The following SPRED2 variants were observed in gnomAD, a reference collection of about 807,000 sequenced individuals.
SPRED2 encodes the protein sprouty-related, EVH1 domain-containing protein 2.
Under a neutral mutation model 43.0 loss-of-function variants are expected in SPRED2, and 47 were observed. That is an observed-to-expected ratio of 1.09 (90% CI 0.87 to 1.40). The LOEUF (loss-of-function observed/expected upper bound fraction) is 1.40, where lower values mean the gene tolerates loss of function less well. Among genes scored for constraint, SPRED2 ranks in the 40% most tolerant of loss-of-function variants. SPRED2 has a pLI of 0.00. For synonymous variants in SPRED2, 225 were observed against 225.7 expected, an observed-to-expected ratio of 1.00 and a Z score of 0.03; for missense variants, 561 against 586.4, an observed-to-expected ratio of 0.96 and a Z score of 0.45.
Position 65,407,245 on chromosome 2 carries a change from C to CTTTTTTTTTTT in SPRED2, c.26+24706_26+24716dup, listed in dbSNP as rs70943650. Among the ~76,000 whole-genome samples the CTTTTTTTTTTT allele has an allele frequency of 5.4e-3, 650 of 120,896 alleles. 35 individuals are homozygous for CTTTTTTTTTTT. The highest frequency in any genetic ancestry group is 0.019 in the African/African-American group (556 of 29,088). The allele number at this position is 120,896 out of a possible 152,430, so 79.3% of individuals were successfully genotyped here. On this transcript the variant is annotated intron_variant, in intron 1 of 5. Coordinates refer to ENST00000356388, the MANE Select transcript of SPRED2 (RefSeq NM_181784.3). The stretch of plus-strand genomic sequence containing the variant: ...TCTTTCTCAAATGGGGCGCTGGCTC[C>CTTTTTTTTTTT]TTTTTTTTTTTTTGCTAAAAGTCCC...
chr2:65,307,953 C>T (rs1027015973), downstream of SPRED2, among the ~76,000 whole-genome samples: 2 of 152,180 alleles, frequency 1.3e-5, no homozygotes, highest in South Asian at 2.1e-4. Context: ...ACCCCCCGCC[C>T]CCCCCATTCA....
chr2:65,372,246 C>T (rs1675141723), intron 1 of SPRED2, among the ~76,000 whole-genome samples: 1 of 152,240 alleles, frequency 6.6e-6, no homozygotes, highest in South Asian at 2.1e-4. Context: ...AAATTCTGTT[C>T]CTGGACTGTG....
intron 4 of SPRED2, among the ~76,000 whole-genome samples, chr2:65,318,969 T>G (rs1001245700): frequency 4.6e-5 from 7 of 152,186 alleles, no homozygotes; most frequent in Non-Finnish European, 8.8e-5. Flanking sequence ...TTTACATGTT[T>G]TTGTTAGCTA....
chr2:65,410,314 G>T (rs558610835), intron 1 of SPRED2, among the ~76,000 whole-genome samples: 1 of 152,302 alleles, frequency 6.6e-6, no homozygotes, highest in South Asian at 2.1e-4. Context: ...CTACACAGGG[G>T]TGTCTCTCTC....
intron 5 of SPRED2, among the ~76,000 whole-genome samples, chr2:65,314,408 G>A (rs1244429008): frequency 6.6e-6 from 1 of 152,158 alleles, no homozygotes; most frequent in Non-Finnish European, 1.5e-5. Flanking sequence ...CAATTTCGTG[G>A]GTTGAGACCG....
intron 4 of SPRED2, among the ~76,000 whole-genome samples, chr2:65,325,232 C>T (rs1413791251): frequency 6.6e-6 from 1 of 152,196 alleles, no homozygotes; most frequent in African/African-American, 2.4e-5. Context: ...CCCAGGAACA[C>T]AAGGGCTGAC....
At chr2:65,399,464 C>A in intron 1 of SPRED2, among the ~76,000 whole-genome samples, 1 of 145,886 alleles carries the variant, frequency 6.9e-6, no homozygotes, top group Non-Finnish European at 1.5e-5. Flanking sequence ...CTCACTGCAA[C>A]CTCTGCCTCC....
chr2:65,307,343 G>A (rs1052734067), downstream of SPRED2, among the ~76,000 whole-genome samples: 2 of 151,984 alleles, frequency 1.3e-5, no homozygotes, highest in African/African-American at 4.8e-5. Context: ...TTACAGGCAT[G>A]CGCCACCACG....
In SPRED2 at chr2:65,327,711, T is replaced by G. The variant is rs551201598; in HGVS notation, c.438+4276A>C. On this transcript the variant is annotated intron_variant, in intron 4 of 5. Coordinates refer to ENST00000356388, the MANE Select transcript of SPRED2 (RefSeq NM_181784.3). ...ACATCTTTGCTTTTCTTTTCTTTCT[T>G]TCTTTTTTTTTTTTTTTTTTTTTTT... Among the ~76,000 whole-genome samples, 675 of 133,724 alleles carry G rather than the reference T, an allele frequency of 5.0e-3. 8 individuals are homozygous for G. The highest frequency in any genetic ancestry group is 7.1e-3 in the Non-Finnish European group (451 of 63,766). The allele number at this position is 133,724 out of a possible 152,430, so 87.7% of individuals were successfully genotyped here.
chr2:65,421,525 G>C (rs549239979), intron 1 of SPRED2, among the ~76,000 whole-genome samples: 10 of 152,300 alleles, frequency 6.6e-5, no homozygotes, highest in African/African-American at 1.7e-4. Context: ...ACGGCTACAG[G>C]ATCCTCCCCA....
chr2:65,317,908 G>A (rs1410723065), intron 4 of SPRED2, among the ~76,000 whole-genome samples: 1 of 152,160 alleles, frequency 6.6e-6, no homozygotes. Flanking sequence ...TAAGACTGGA[G>A]TCTCCGTAAC....
chr2:65,356,153 A>G (rs1267020139), intron 1 of SPRED2, among the ~76,000 whole-genome samples: 1 of 152,206 alleles, frequency 6.6e-6, no homozygotes, highest in African/African-American at 2.4e-5. Flanking sequence ...GGAGAAAACA[A>G]AGGAAGGGAG....
At chr2:65,375,539 T>G (rs1209949760) in intron 1 of SPRED2, among the ~76,000 whole-genome samples, 1 of 152,188 alleles carries the variant, frequency 6.6e-6, no homozygotes, top group African/African-American at 2.4e-5. Flanking sequence ...AGGACAGCTC[T>G]CAAGTTTCAT....
downstream of SPRED2, chr2:65,308,351 C>T (rs921453948): frequency 8.1e-6 from 8 of 985,468 alleles, no homozygotes; most frequent in Non-Finnish European, 9.6e-6. Flanking sequence ...CCCAGAAACC[C>T]AGCCAGCTTA....
chr2:65,312,481 T>C lies in SPRED2; in HGVS notation c.*1020A>G. 2.7e-5 allele frequency: 27 copies of C among 985,408 alleles called. No homozygotes were observed. The highest frequency in any genetic ancestry group is 3.3e-5 in the Non-Finnish European group (27 of 829,892). 61.0% of individuals were successfully genotyped at this position (985,408 alleles called of 1,614,324 possible). On this transcript the variant is annotated 3_prime_UTR_variant, in exon 6 of 6. Transcript: ENST00000356388. ...GGGGAAGAAGCTCCCTATGGTTTTA[T>C]TCACCATAACCTTAGTGTTTCTCAA...
chr2:65,343,157 G>A (rs550165677), intron 2 of SPRED2, among the ~76,000 whole-genome samples: 1 of 152,036 alleles, frequency 6.6e-6, no homozygotes, highest in African/African-American at 2.4e-5. Context: ...CCGAAGGGCT[G>A]GATTATACTT....
At chr2:65,366,591 T>C (rs757805664) in intron 1 of SPRED2, 3 of 1,553,530 alleles carry the variant, frequency 1.9e-6, no homozygotes, top group Admixed American at 2.0e-5. Flanking sequence ...AGCACGTACC[T>C]GCCAGGCGAT....
At chr2:65,338,221 C>CTCTCCCTCTCCCG (rs1558657764) in intron 2 of SPRED2, among the ~76,000 whole-genome samples, 2 of 92,886 alleles carry the variant, frequency 2.2e-5, no homozygotes, top group African/African-American at 4.7e-5. Flanking sequence ...TCCCGTCTCC[C>CTCTCCCTCTCCCG]TCTCCCTCTC....
Position 65,311,317 on chromosome 2 carries a change from C to A in SPRED2, c.*2184G>T, listed in dbSNP as rs1005925845. On this transcript the variant is annotated 3_prime_UTR_variant, in exon 6 of 6. Coordinates refer to ENST00000356388, the MANE Select transcript of SPRED2 (RefSeq NM_181784.3). ...TTTGTGCCCTTAACCGATGCCTTCA[C>A]AAACCAAAAAGTATACGTGGAGTAA... 12 of 985,622 alleles carry A rather than the reference C, an allele frequency of 1.2e-5. No homozygotes were observed. In the East Asian group the frequency reaches 9.1e-4, roughly 74 times the overall value. 61.1% of individuals were successfully genotyped at this position (985,622 alleles called of 1,614,324 possible).
Sources: gnomAD v4.1 joint callset for allele counts (sites outside exome capture counted in the v4.1 genomes callset) on GRCh38, gnomAD v4.1.1 for gene constraint, MANE v1.5 for transcripts, NCBI Gene and HGNC (gene_info 2026-07-23, HGNC 2026-07-21) for gene names.